Variants in MEGF9 observed in about 807,000 individuals in gnomAD.
MEGF9 encodes the protein multiple EGF like domains 9.
MEGF9 carries 6 observed loss-of-function variants against 46.8 expected under a neutral mutation model. The ratio of observed to expected loss-of-function variants is 0.13; its 90% CI spans 0.07 to 0.25. MEGF9 has a LOEUF of 0.25. MEGF9 is among the 10% of genes least tolerant of loss of function. The pLI is 1.00. For synonymous variants in MEGF9, 302 were observed against 330.7 expected, an observed-to-expected ratio of 0.91 and a Z score of 0.94; for missense variants, 683 against 792.4, an observed-to-expected ratio of 0.86 and a Z score of 1.66.
intron 1 of MEGF9, among the ~76,000 whole-genome samples, chr9:120,705,175 C>A (rs555661759): frequency 9.9e-4 from 150 of 152,064 alleles, no homozygotes; most frequent in African/African-American, 3.5e-3. Context: ...TAAAGGATGA[C>A]ATTTTCATAT....
intron 1 of MEGF9, among the ~76,000 whole-genome samples, chr9:120,706,712 G>A (rs187486403): frequency 6.8e-4 from 104 of 152,274 alleles, no homozygotes; most frequent in African/African-American, 2.5e-3. Context: ...GTGCACACCT[G>A]TAGTCCCAGC....
At chr9:120,623,238 T>C (rs2043507541) in intron 2 of MEGF9, among the ~76,000 whole-genome samples, 1 of 152,114 alleles carries the variant, frequency 6.6e-6, no homozygotes, top group African/African-American at 2.4e-5. Flanking sequence ...GACTCTAAAT[T>C]GGTACAAGAA....
intron 2 of MEGF9, among the ~76,000 whole-genome samples, chr9:120,648,439 A>C (rs1288347998): frequency 2.0e-5 from 3 of 152,020 alleles, no homozygotes; most frequent in Non-Finnish European, 1.5e-5. Flanking sequence ...TTCAAGAAAT[A>C]GTGAACCACT....
intron 2 of MEGF9, among the ~76,000 whole-genome samples, chr9:120,647,935 T>C (rs773305492): frequency 4.0e-5 from 6 of 151,170 alleles, no homozygotes; most frequent in Non-Finnish European, 7.4e-5. Context: ...CTCTTTCTCT[T>C]TCTCTCTCTC....
At chr9:120,660,952 A>G (rs2043699347) in intron 1 of MEGF9, among the ~76,000 whole-genome samples, 1 of 152,166 alleles carries the variant, frequency 6.6e-6, no homozygotes, top group South Asian at 2.1e-4. Context: ...GATGACTTCA[A>G]AAAGCTACTA....
Position 120,605,508 on chromosome 9 carries a change from A to G in MEGF9, c.1491T>C (p.Thr497=). The change falls in exon 6 of 6, where the codon ACT becomes ACC. Residue 497 remains threonine, a synonymous_variant. Transcript: ENST00000373930. The surrounding 1 kb of genome is among the most constrained non-coding windows in gnomAD (Gnocchi z 4.0). ...CTAAAGCTGAAGTGCTGTTTTCAGA[A>G]GTGCTTACTGAAAAGATAGTCTGCA... ...TTLQTIFSVS[T]SENSTSALAD... is the part of the protein sequence containing the mutation. The G allele has an allele frequency of 1.2e-6, 2 of 1,614,042 alleles. No individual in the cohort carries two copies. The highest frequency in any genetic ancestry group is 1.7e-6 in the Non-Finnish European group (2 of 1,179,890).
chr9:120,653,882 A>G (rs1179298041), intron 2 of MEGF9, among the ~76,000 whole-genome samples: 1 of 152,234 alleles, frequency 6.6e-6, no homozygotes, highest in East Asian at 1.9e-4. Flanking sequence ...TCATCTATAG[A>G]TACTGCAATC....
chr9:120,636,468 T>C (rs2043574857), intron 2 of MEGF9, among the ~76,000 whole-genome samples: 1 of 152,192 alleles, frequency 6.6e-6, no homozygotes, highest in African/African-American at 2.4e-5. Context: ...TTCATAATAC[T>C]CAAAAAGAGT....
In MEGF9 at chr9:120,622,577, G is replaced by A. The variant is rs746826635; in HGVS notation, c.943+39C>T. 12 of 1,608,988 alleles carry A rather than the reference G, an allele frequency of 7.5e-6. No individual in the cohort carries two copies. In the East Asian group the frequency reaches 2.7e-4, roughly 36 times the overall value. Reference sequence around the variant, plus strand: ...GAAAGATTTCCAAATTAAAAGAACAGTGGAATAATTACATGACAAAGTTAA... The same window carrying A: ...GAAAGATTTCCAAATTAAAAGAACAATGGAATAATTACATGACAAAGTTAA... On this transcript the variant is annotated intron_variant, in intron 3 of 5. Transcript: ENST00000373930.
At chr9:120,631,551 C>A (rs1347282923) in intron 2 of MEGF9, among the ~76,000 whole-genome samples, 2 of 151,078 alleles carry the variant, frequency 1.3e-5, no homozygotes, top group Non-Finnish European at 2.9e-5. Context: ...GTGGTGCAAT[C>A]TCAACTCACT....
chr9:120,650,126 G>A (rs141777436), intron 2 of MEGF9, among the ~76,000 whole-genome samples: 2,924 of 152,134 alleles, frequency 0.019, 106 homozygotes, highest in African/African-American at 0.068. Flanking sequence ...AATATTAGCC[G>A]GGCGTGGTGG....
chr9:120,679,148 T>C (rs2043786763), intron 1 of MEGF9, among the ~76,000 whole-genome samples: 1 of 152,228 alleles, frequency 6.6e-6, no homozygotes, highest in Admixed American at 6.5e-5. Flanking sequence ...GGATTATAAA[T>C]CATGCTGCTA....
In MEGF9 at chr9:120,713,999, G is replaced by C. The variant is rs750442355; in HGVS notation, c.360C>G (p.Leu120=). ...GPSSTTFQAP[L]GPSPTTPPAA... ...CCGGAGGGGTGGTCGGCGAGGGGCC[G>C]AGCGGCGCCTGAAAGGTGGTGGAAG... Residue 120 remains leucine (L), a synonymous_variant, in exon 1 of 6, where the codon CTC becomes CTG. Coordinates refer to ENST00000373930, the MANE Select transcript of MEGF9 (RefSeq NM_001080497.3). 1 of 1,386,140 alleles carries C rather than the reference G, an allele frequency of 7.2e-7. No individual in the cohort carries two copies. Among genetic ancestry groups the C allele is most frequent in the Non-Finnish European group, 9.4e-7 (1 of 1,065,248 alleles). The allele number at this position is 1,386,140 out of a possible 1,614,324, so 85.9% of individuals were successfully genotyped here.
In MEGF9 at chr9:120,626,683, T is replaced by C. The variant is rs149537471; in HGVS notation, c.804-3928A>G. Among the ~76,000 whole-genome samples, 528 of 152,274 alleles carry C rather than the reference T, an allele frequency of 3.5e-3. 6 individuals are homozygous for C. The highest frequency in any genetic ancestry group is 0.012 in the African/African-American group (505 of 41,556). ...CATTGATTAGGTGGGATGGGTATAA[T>C]ACAGGAAAGGAGTATCAGAGTTTAT... On this transcript the variant is annotated intron_variant, in intron 2 of 5. Transcript: ENST00000373930.
intron 2 of MEGF9, among the ~76,000 whole-genome samples, chr9:120,650,239 A>G (rs1357707702): frequency 6.6e-6 from 1 of 152,184 alleles, no homozygotes; most frequent in African/African-American, 2.4e-5. Context: ...TCAATGTGCA[A>G]TTGTCTACAT....
At chr9:120,662,825 G>A (rs1024343961) in intron 1 of MEGF9, among the ~76,000 whole-genome samples, 9 of 152,204 alleles carry the variant, frequency 5.9e-5, no homozygotes, top group Non-Finnish European at 1.3e-4. Context: ...TACTATAGCA[G>A]CTTTGAATAA....
At chr9:120,644,875 G>A (rs971672868) in intron 2 of MEGF9, among the ~76,000 whole-genome samples, 1 of 152,160 alleles carries the variant, frequency 6.6e-6, no homozygotes, top group African/African-American at 2.4e-5. Context: ...CTACATGTTC[G>A]TAAGGTTTTA....
intron 1 of MEGF9, among the ~76,000 whole-genome samples, chr9:120,709,816 C>A (rs895360741): frequency 1.3e-5 from 2 of 151,758 alleles, no homozygotes; most frequent in Non-Finnish European, 2.9e-5. Context: ...TGGGAGGCCG[C>A]GGTGGGCAGA....
chr9:120,607,141 A>G (rs1368505497), intron 5 of MEGF9, among the ~76,000 whole-genome samples: 1 of 152,212 alleles, frequency 6.6e-6, no homozygotes, highest in East Asian at 1.9e-4. Context: ...GCATGGTCCA[A>G]TCTCTCTGTG....
Sources: allele counts gnomAD v4.1 joint callset (sites outside exome capture counted in the v4.1 genomes callset), GRCh38; gene constraint gnomAD v4.1.1; non-coding constraint Gnocchi (gnomAD v3.1); transcripts MANE v1.5; gene names NCBI Gene and HGNC (gene_info 2026-07-23, HGNC 2026-07-21).